The following PCLO variants were observed in gnomAD, a reference collection of about 807,000 sequenced individuals.
PCLO encodes protein piccolo.
A neutral mutation model predicts 427.5 loss-of-function variants in PCLO; 82 were observed. That is an observed-to-expected ratio of 0.19 (90% CI 0.16 to 0.23). The LOEUF (loss-of-function observed/expected upper bound fraction) is 0.23, where lower values mean the gene tolerates loss of function less well. PCLO is among the 10% of genes least tolerant of loss of function. PCLO has a pLI of 1.00. For missense variants in PCLO, 6,239 were observed against 6,115.9 expected (o/e 1.02, Z -0.67); for synonymous variants, 2,357 against 2,155.4 (o/e 1.09, Z -2.59).
chr7:82,760,509 T>G, intron 24 of PCLO, 130 bp downstream of exon 24: 3 of 525,196 alleles, frequency 5.7e-6, no homozygotes, highest in Non-Finnish European at 9.4e-6. Flanking sequence ...GGGGAGATAC[T>G]GCTGAAAATT....
chr7:82,820,449 C>T (rs1207333928), intron 20 of PCLO: 2 of 1,078,166 alleles, frequency 1.9e-6, no homozygotes, highest in African/African-American at 1.6e-5. Context: ...TAAGCTGCAT[C>T]ATATAACAAT....
intron 22 of PCLO, among the ~76,000 whole-genome samples, chr7:82,763,891 T>C (rs1562774952): frequency 6.6e-6 from 1 of 152,012 alleles, no homozygotes; most frequent in Non-Finnish European, 1.5e-5. Context: ...GTCTTTCAAC[T>C]ATCAAGCCTA....
At chr7:83,088,108 A>G (rs10256301) in intron 3 of PCLO, among the ~76,000 whole-genome samples, 3,634 of 152,292 alleles carry the variant, frequency 0.024, 152 homozygotes, top group African/African-American at 0.083. Context: ...ATCATGAACT[A>G]ATTACTTCTC....
At chr7:82,852,018 A>G (rs993114263) in intron 10 of PCLO, among the ~76,000 whole-genome samples, 1 of 152,060 alleles carries the variant, frequency 6.6e-6, no homozygotes, top group African/African-American at 2.4e-5. Flanking sequence ...GGGAAAGGTA[A>G]GAAGGATGGA....
rs377592134 is a variant in PCLO at position 82,954,753 on chromosome 7, T to G, written c.6200A>C (p.Glu2067Ala). 5.0e-6 allele frequency: 8 copies of G among 1,613,862 alleles called. No individual in the cohort carries two copies. The African/African-American group carries it at 6.7e-5, about 13-fold the overall frequency. The stretch of plus-strand genomic sequence containing the variant: ...TTGCATCTGTTGCCTCTTCATAAGT[T>G]CTTCATAGGCAGCATCAGCATCTAG... The part of the protein sequence containing the change: ...KLLDADAAYE[E>A]LMKRQQMQLT... Residue 2067 changes from glutamate (E) to alanine (A), a missense_variant, in exon 5 of 25, where the codon GAA becomes GCA. Physicochemically the swap from Glu to Ala is moderately radical, Grantham distance 107. Around this residue, in one of 5 missense-constraint regions of PCLO, gnomAD observed 4,677 missense variants for 4,468.4 expected, o/e 1.05. Transcript: ENST00000333891.
intron 20 of PCLO, among the ~76,000 whole-genome samples, chr7:82,815,467 A>G (rs1427356658): frequency 6.6e-6 from 1 of 152,098 alleles, no homozygotes; most frequent in Non-Finnish European, 1.5e-5. Context: ...AGTTGTAAAA[A>G]TATGTTTTCT....
At chr7:82,927,685 A>G (rs1418362279) in intron 6 of PCLO, among the ~76,000 whole-genome samples, 2 of 152,150 alleles carry the variant, frequency 1.3e-5, no homozygotes, top group African/African-American at 2.4e-5. Context: ...CTTTAGTAAA[A>G]TTCCTCATAA....
At chr7:83,025,804 A>G (rs1419885462) in intron 3 of PCLO, among the ~76,000 whole-genome samples, 4 of 151,142 alleles carry the variant, frequency 2.6e-5, no homozygotes, top group Non-Finnish European at 1.5e-5. Flanking sequence ...AATATTCAAC[A>G]TTCTCAAAGA....
At chr7:82,865,395 G>A (rs976452721) in intron 10 of PCLO, among the ~76,000 whole-genome samples, 1 of 152,120 alleles carries the variant, frequency 6.6e-6, no homozygotes, top group African/African-American at 2.4e-5. Flanking sequence ...GGCTGAGGCA[G>A]GAGAATCACT....
chr7:82,834,527 T>C (rs982771843), intron 16 of PCLO, among the ~76,000 whole-genome samples: 4 of 152,178 alleles, frequency 2.6e-5, no homozygotes, highest in African/African-American at 4.8e-5. Context: ...AGTTCATTCG[T>C]AGTAAATATG....
At chr7:82,912,980 T>C (rs1195717518) in intron 7 of PCLO, among the ~76,000 whole-genome samples, 1 of 152,036 alleles carries the variant, frequency 6.6e-6, no homozygotes, top group Non-Finnish European at 1.5e-5. Flanking sequence ...GATAAACTCT[T>C]TACTCTTCTG....
chr7:82,956,384 A>G lies in PCLO; in HGVS notation c.4569T>C (p.Pro1523=). The change falls in exon 5 of 25, where the codon CCT becomes CCC. Residue 1523 remains proline (P), a synonymous_variant. Coordinates refer to ENST00000333891, the MANE Select transcript of PCLO (RefSeq NM_033026.6). Reference sequence around the variant, plus strand: ...TAGTTCTTCGTTTTCTTTGTGGAACAGGTGAGTTTTCACTTTCACTACTCT... The same window carrying G: ...TAGTTCTTCGTTTTCTTTGTGGAACGGGTGAGTTTTCACTTTCACTACTCT... ...VEESSESENS[P]VPQRKRRTSV... is the part of the protein sequence containing the mutation. 6.2e-7 allele frequency: 1 copy of G among 1,613,542 alleles called. No homozygotes were observed. Among genetic ancestry groups the G allele is most frequent in the Non-Finnish European group, 8.5e-7 (1 of 1,179,854 alleles).
chr7:83,161,695 A>G (rs911703931), intron 1 of PCLO, among the ~76,000 whole-genome samples: 1 of 152,230 alleles, frequency 6.6e-6, no homozygotes, highest in Non-Finnish European at 1.5e-5. Context: ...GCAGTGGCTT[A>G]AAAATAGCAT....
chr7:82,846,731 G>A (rs968161331), intron 11 of PCLO, 97 bp from the exon 12 acceptor site: 2 of 712,132 alleles, frequency 2.8e-6, no homozygotes, highest in African/African-American at 3.6e-5. Flanking sequence ...ATAGGTAAAT[G>A]AGAAGTGGTT....
chr7:82,797,088 G>A (rs1171585297), intron 22 of PCLO, among the ~76,000 whole-genome samples: 1 of 151,994 alleles, frequency 6.6e-6, no homozygotes, highest in Non-Finnish European at 1.5e-5. Context: ...CTCTTTGAGA[G>A]TAGAGCCTAG....
At chr7:83,014,817 T>G (rs1788167233) in intron 3 of PCLO, among the ~76,000 whole-genome samples, 1 of 152,082 alleles carries the variant, frequency 6.6e-6, no homozygotes, top group South Asian at 2.1e-4. Context: ...AAGAGAAAAT[T>G]TTGGATTGCC....
At chr7:82,814,000 G>A (rs1419533101) in intron 20 of PCLO, among the ~76,000 whole-genome samples, 1 of 151,636 alleles carries the variant, frequency 6.6e-6, no homozygotes, top group Non-Finnish European at 1.5e-5. Context: ...GAAATTAATT[G>A]ATAATTTATA....
Position 82,755,050 on chromosome 7 carries a change from C to T in PCLO, c.*3525G>A, listed in dbSNP as rs1199703460. On this transcript the variant is annotated 3_prime_UTR_variant, in exon 25 of 25. Coordinates refer to ENST00000333891, the MANE Select transcript of PCLO (RefSeq NM_033026.6). ...CAAATAATTTCTAATAAATTGGGCA[C>T]AATATAATATATACTTTTATTTTAC... 6.6e-6 allele frequency: 1 copy of T among 151,948 alleles called. No homozygotes were observed. The highest frequency in any genetic ancestry group is 1.5e-5 in the Non-Finnish European group (1 of 67,968). The allele number at this position is 151,948 out of a possible 1,614,324, so 9.4% of individuals were successfully genotyped here.
chr7:83,123,882 A>C (rs1039294638), intron 3 of PCLO, among the ~76,000 whole-genome samples: 1 of 139,912 alleles, frequency 7.1e-6, no homozygotes, highest in Non-Finnish European at 1.5e-5. Flanking sequence ...ACCTGAGGTC[A>C]GGAGTTTGAG....
Sources: gnomAD v4.1 joint callset for allele counts (sites outside exome capture counted in the v4.1 genomes callset) on GRCh38, gnomAD v4.1.1 for gene constraint, gnomAD v4.1.1 regional missense constraint, MANE v1.5 for transcripts, NCBI Gene and HGNC (gene_info 2026-07-23, HGNC 2026-07-21) for gene names.